The following KLHL10 variants were observed in gnomAD, a reference collection of about 807,000 sequenced individuals.
The protein encoded by KLHL10 is kelch-like protein 10.
In KLHL10, 11 loss-of-function variants were observed where a neutral mutation model predicts 46.6. That is an observed-to-expected ratio of 0.24 (90% CI 0.15 to 0.39). The LOEUF (loss-of-function observed/expected upper bound fraction) is 0.39, where lower values mean the gene tolerates loss of function less well. Ranked by LOEUF, KLHL10 falls within the 10% of genes least tolerant of loss-of-function variation. KLHL10 has a pLI of 1.00. For synonymous variants in KLHL10, 254 were observed against 279.1 expected, an observed-to-expected ratio of 0.91 and a Z score of 0.90; for missense variants, 475 against 789.8, an observed-to-expected ratio of 0.60 and a Z score of 4.78.
rs544035963 is a variant in KLHL10, at chr17:41,842,000, C to T, written c.372C>T (p.Ile124=). The change falls in exon 2 of 5, where the codon ATC becomes ATT. Residue 124 remains isoleucine (I), a synonymous_variant. Transcript: ENST00000293303. Reference sequence around the variant, plus strand: ...CAGACCAGTTTAACATCATGGGTATCGTCAGGGGTTGCTGCGAGTTCCTCA... The same window carrying T: ...CAGACCAGTTTAACATCATGGGTATTGTCAGGGGTTGCTGCGAGTTCCTCA... ...AAADQFNIMG[I]VRGCCEFLKS... is the part of the protein sequence containing the mutation. 11 of 1,614,118 alleles carry T rather than the reference C, an allele frequency of 6.8e-6. No individual in the cohort carries two copies. The highest frequency in any genetic ancestry group is 1.1e-5 in the South Asian group (1 of 91,080).
chr17:41,836,378 AGGCAAAC>A, upstream of KLHL10: 1 of 1,224,340 alleles, frequency 8.2e-7, no homozygotes, highest in Non-Finnish European at 1.0e-6. Flanking sequence ...CGGTTGCGCT[AGGCAAAC>A]TGGAGGAGGG....
chr17:41,845,548 G>A lies in KLHL10; in HGVS notation c.1107G>A (p.Val369=). 6.2e-7 allele frequency: 1 copy of A among 1,614,194 alleles called. No individual in the cohort carries two copies. Among genetic ancestry groups the A allele is most frequent in the South Asian group, 1.1e-5 (1 of 91,086 alleles). ...FDPVKKTWHQ[V]APMHSRRCYV... is the part of the protein sequence containing the mutation. ...CAGTCAAGAAAACTTGGCATCAGGT[G>A]GCCCCGATGCACTCCAGACGTTGCT... Residue 369 remains valine (V), a synonymous_variant, in exon 3 of 5, where the codon GTG becomes GTA. Transcript: ENST00000293303.
chr17:41,835,825 C>T (rs781904299), upstream of KLHL10: 4 of 1,570,566 alleles, frequency 2.5e-6, no homozygotes, highest in African/African-American at 1.4e-5. Context: ...CAGCCGCCCC[C>T]AGCCCGGCCG....
At chr17:41,842,623 G>A (rs1297946831) in intron 2 of KLHL10, among the ~76,000 whole-genome samples, 1 of 152,060 alleles carries the variant, frequency 6.6e-6, no homozygotes, top group African/African-American at 2.4e-5. Context: ...GCCAGCCTGG[G>A]CAACATAGGT....
At chr17:41,846,605 G>A (rs1259087648) in intron 3 of KLHL10, among the ~76,000 whole-genome samples, 2 of 151,848 alleles carry the variant, frequency 1.3e-5, no homozygotes, top group East Asian at 3.9e-4. Flanking sequence ...TCAGCACTTT[G>A]GGAGGCCAAG....
In KLHL10 at chr17:41,847,316, A is replaced by T. The variant is rs782212341; in HGVS notation, c.1358A>T (p.Tyr453Phe). Reference protein sequence around the residue: ...GNECLFTAEVYNTESNQWTVI... With the variant: ...GNECLFTAEVFNTESNQWTVI... The stretch of plus-strand genomic sequence containing the variant: ...GAGTGCCTGTTCACAGCAGAAGTGT[A>T]TAACACTGAAAGTAATCAGTGGACA... Residue 453 changes from tyrosine to phenylalanine, a missense_variant, in exon 4 of 5, where the codon TAT becomes TTT. Transcript: ENST00000293303. The T allele has an allele frequency of 1.2e-5, 20 of 1,613,918 alleles. No homozygotes were observed. In the East Asian group the frequency reaches 4.0e-4, roughly 32 times the overall value.
chr17:41,840,604 A>AC (rs1447223627), intron 1 of KLHL10, among the ~76,000 whole-genome samples: 1 of 150,654 alleles, frequency 6.6e-6, no homozygotes, highest in African/African-American at 2.4e-5. Flanking sequence ...AGATCAAGCC[A>AC]CTGCACTCCA....
upstream of KLHL10, chr17:41,837,660 G>T: frequency 8.7e-7 from 1 of 1,148,218 alleles, no homozygotes; most frequent in South Asian, 1.7e-5. Flanking sequence ...TTGGGTTCAA[G>T]GACACAGAAG....
upstream of KLHL10, among the ~76,000 whole-genome samples, chr17:41,837,172 G>T (rs930299719): frequency 1.1e-4 from 17 of 151,662 alleles, no homozygotes; most frequent in South Asian, 6.3e-4. Context: ...GAAAAAGAAA[G>T]ATTTTTTTTT....
At chr17:41,835,923 C>T (rs1250289424), upstream of KLHL10, 4 of 1,603,970 alleles carry the variant, frequency 2.5e-6, no homozygotes, top group African/African-American at 1.3e-5. Context: ...CCCAGGCTGC[C>T]GCATCAGGAC....
intron 3 of KLHL10, among the ~76,000 whole-genome samples, chr17:41,846,083 C>A (rs1417398411): frequency 6.6e-6 from 1 of 151,626 alleles, no homozygotes. Context: ...TGGTGGCGGG[C>A]GCCTGTAATC....
At position 41,845,130 on chromosome 17, in the gene KLHL10, G is replaced by A; in HGVS notation, c.689G>A (p.Arg230His). ...QHISILLPKV[R>H]LALMHAEYFM... The stretch of plus-strand genomic sequence containing the variant: ...CTTTCTGCGTTTGCTTCTTAGGTTC[G>A]CCTGGCCCTAATGCATGCTGAGTAC... The change falls in exon 3 of 5, where the codon CGC becomes CAC. Residue 230 changes from arginine (R) to histidine (H), a missense_variant. Transcript: ENST00000293303. 1 of 1,614,170 alleles carries A rather than the reference G, an allele frequency of 6.2e-7. No homozygotes were observed. The highest frequency in any genetic ancestry group is 8.5e-7 in the Non-Finnish European group (1 of 1,180,042).
Position 41,842,046 on chromosome 17 carries a change from A to G in KLHL10, c.418A>G (p.Asn140Asp). ...EFLKSELCLD[N>D]CIGICKFTDY... Reference sequence around the variant, plus strand: ...CCTCAAGTCAGAGCTGTGCTTGGATAATTGTATCGGCATCTGTAAGTTCAC... The same window carrying G: ...CCTCAAGTCAGAGCTGTGCTTGGATGATTGTATCGGCATCTGTAAGTTCAC... The change falls in exon 2 of 5, where the codon AAT becomes GAT. Residue 140 changes from asparagine (N) to aspartate (D), a missense_variant. Asn to Asp is a conservative substitution (Grantham distance 23). Coordinates refer to ENST00000293303, the MANE Select transcript of KLHL10 (RefSeq NM_152467.5). 1 of 1,614,128 alleles carries G rather than the reference A, an allele frequency of 6.2e-7. No homozygotes were observed. The highest frequency in any genetic ancestry group is 8.5e-7 in the Non-Finnish European group (1 of 1,180,034).
intron 1 of KLHL10, among the ~76,000 whole-genome samples, chr17:41,839,328 T>C (rs1424410094): frequency 6.6e-6 from 1 of 152,206 alleles, no homozygotes; most frequent in Non-Finnish European, 1.5e-5. Context: ...CAACCAACTA[T>C]TGGTGGGCCA....
intron 3 of KLHL10, among the ~76,000 whole-genome samples, chr17:41,846,886 G>C (rs2144140319): frequency 6.6e-6 from 1 of 152,124 alleles, no homozygotes; most frequent in East Asian, 1.9e-4. Context: ...AGGCTGAGAG[G>C]GGCGGATTGC....
Position 41,848,172 on chromosome 17 carries a change from C to T in KLHL10, c.1692C>T (p.Arg564=). The T allele has an allele frequency of 1.9e-6, 3 of 1,614,084 alleles. No homozygotes were observed. Among genetic ancestry groups the T allele is most frequent in the Non-Finnish European group, 2.5e-6 (3 of 1,180,030 alleles). Residue 564 remains arginine, a synonymous_variant, in exon 5 of 5, where the codon CGC becomes CGT. Coordinates refer to ENST00000293303, the MANE Select transcript of KLHL10 (RefSeq NM_152467.5). ...ATGCTCATGACATGAGTATATACCG[C>T]AGTGCTCTGAGCTGCTGTGTAGTAC... ...WYDAHDMSIY[R]SALSCCVVPG...
chr17:41,847,542 G>C (rs1242882698), intron 4 of KLHL10, 132 bp downstream of exon 4: 1 of 1,059,042 alleles, frequency 9.4e-7, no homozygotes, highest in Non-Finnish European at 1.4e-6. Flanking sequence ...GTCTCGCTCT[G>C]TTGCCCAGGC....
In KLHL10 at chr17:41,841,853, T is replaced by C. The variant is rs1013257036; in HGVS notation, c.225T>C (p.Thr75=). The change falls in exon 2 of 5, where the codon ACT becomes ACC. Residue 75 remains threonine (T), a synonymous_variant. Coordinates refer to ENST00000293303, the MANE Select transcript of KLHL10 (RefSeq NM_152467.5). ...TGTTTACAAGTGGCTGGAACAACAC[T>C]GAAAAGAAGGTATACAACATCCCTG... ...RALFTSGWNN[T]EKKVYNIPGI... is the part of the protein sequence containing the mutation. 6.2e-7 allele frequency: 1 copy of C among 1,614,176 alleles called. No individual in the cohort carries two copies. The highest frequency in any genetic ancestry group is 8.5e-7 in the Non-Finnish European group (1 of 1,180,038).
At position 41,847,759 on chromosome 17, in the gene KLHL10, CCTCCCAGAGTGCT is replaced by C. The variant is rs2048305263; in HGVS notation, c.1453-173_1453-161del. ...TGACTTTGTGATCCACCCGCCTCGG[CCTCCCAGAGTGCT>C]GGGATTACAGGCGTGAGCCACTGCA... On this transcript the variant is annotated intron_variant, in intron 4 of 4. Coordinates refer to ENST00000293303, the MANE Select transcript of KLHL10 (RefSeq NM_152467.5). Among the ~76,000 whole-genome samples, 3 of 152,358 alleles carry C rather than the reference CCTCCCAGAGTGCT, an allele frequency of 2.0e-5. No homozygotes were observed. The South Asian group carries it at 6.2e-4, about 32-fold the overall frequency.
Sources: gnomAD v4.1 joint callset for allele counts (sites outside exome capture counted in the v4.1 genomes callset) on GRCh38, gnomAD v4.1.1 for gene constraint, MANE v1.5 for transcripts, NCBI Gene and HGNC (gene_info 2026-07-23, HGNC 2026-07-21) for gene names.